The following LAPTM4B variants were observed in gnomAD, a reference collection of about 807,000 sequenced individuals.
LAPTM4B encodes the protein lysosomal-associated transmembrane protein 4B.
A neutral mutation model predicts 28.5 loss-of-function variants in LAPTM4B; 26 were observed. That is an observed-to-expected ratio of 0.91 (90% CI 0.67 to 1.27). The LOEUF is 1.27. Ranked by LOEUF, LAPTM4B falls within the 50% of genes most tolerant of loss-of-function variation. The pLI, the probability that LAPTM4B is intolerant of heterozygous loss-of-function variation, is 0.00. For synonymous variants in LAPTM4B, 109 were observed against 106.4 expected (o/e 1.02, Z -0.15); for missense variants, 288 against 285.8 (o/e 1.01, Z -0.06).
chr8:97,836,083 C>T (rs545194020), intron 6 of LAPTM4B, among the ~76,000 whole-genome samples: 2 of 152,280 alleles, frequency 1.3e-5, no homozygotes, highest in South Asian at 4.1e-4. Flanking sequence ...CCCCCTCACC[C>T]CCTCATCAAC....
intron 6 of LAPTM4B, among the ~76,000 whole-genome samples, chr8:97,832,707 A>ATTTTTG (rs1243268463): frequency 1.6e-5 from 1 of 60,884 alleles, no homozygotes; most frequent in South Asian, 5.5e-4. Context: ...TTTTATTTTT[A>ATTTTTG]TTTTATTTTA....
intron 2 of LAPTM4B, among the ~76,000 whole-genome samples, chr8:97,809,720 T>C (rs978057433): frequency 9.9e-5 from 15 of 152,004 alleles, no homozygotes; most frequent in Non-Finnish European, 1.5e-5. Context: ...ATTACGAAAA[T>C]TAATATAGCA....
intron 1 of LAPTM4B, among the ~76,000 whole-genome samples, chr8:97,778,039 C>T (rs1388876931): frequency 2.0e-5 from 3 of 152,112 alleles, no homozygotes; most frequent in African/African-American, 7.2e-5. Flanking sequence ...GTAATCCAAC[C>T]AGACAGTGTA....
intron 4 of LAPTM4B, among the ~76,000 whole-genome samples, chr8:97,818,039 C>G (rs1816949256): frequency 6.6e-6 from 1 of 152,192 alleles, no homozygotes; most frequent in Non-Finnish European, 1.5e-5. Flanking sequence ...TCTCAAACAC[C>G]TGCACTCAAG....
At chr8:97,819,091 G>C in intron 4 of LAPTM4B, 49 bp from the exon 5 acceptor site, 2 of 1,124,438 alleles carry the variant, frequency 1.8e-6, no homozygotes, top group Non-Finnish European at 2.7e-6. Context: ...AAGGAATACT[G>C]TCTGGAATGA....
chr8:97,818,930 C>T (rs1816962815), intron 4 of LAPTM4B, among the ~76,000 whole-genome samples: 1 of 152,008 alleles, frequency 6.6e-6, no homozygotes, highest in East Asian at 1.9e-4. Context: ...TCAGAGATCC[C>T]TGGATATACA....
At chr8:97,791,649 AG>A (rs1816500778) in intron 1 of LAPTM4B, among the ~76,000 whole-genome samples, 1 of 152,318 alleles carries the variant, frequency 6.6e-6, no homozygotes, top group African/African-American at 2.4e-5. Context: ...GGTTTAGCAG[AG>A]TTGGCCAGGG....
At position 97,852,362 on chromosome 8, in the gene LAPTM4B, C is replaced by T. The variant is rs1817537992; in HGVS notation, c.*888C>T. ...ATGGAAAAGGGTTTTCTTTTCCCTG[C>T]AAGCTACATCCTACTGCTTTGAACT... On this transcript the variant is annotated 3_prime_UTR_variant, in exon 7 of 7. Transcript: ENST00000521545. 6.6e-6 allele frequency: 1 copy of T among 152,210 alleles called. No individual in the cohort carries two copies. The highest frequency in any genetic ancestry group is 2.1e-4 in the South Asian group (1 of 4,832). The allele number at this position is 152,210 out of a possible 1,614,324, so 9.4% of individuals were successfully genotyped here.
chr8:97,847,209 T>C (rs7017753), intron 6 of LAPTM4B, among the ~76,000 whole-genome samples: 78,690 of 152,040 alleles, frequency 0.52, 20,791 homozygotes, highest in Non-Finnish European at 0.57. Flanking sequence ...CCACTGTCAT[T>C]CAGCCATTCC....
At chr8:97,802,105 G>C (rs886646162) in intron 1 of LAPTM4B, among the ~76,000 whole-genome samples, 1 of 152,104 alleles carries the variant, frequency 6.6e-6, no homozygotes, top group Non-Finnish European at 1.5e-5. Context: ...ACTGGAAAGG[G>C]GATCCAGACC....
intron 2 of LAPTM4B, among the ~76,000 whole-genome samples, chr8:97,812,666 G>A (rs978617109): frequency 1.3e-5 from 2 of 152,166 alleles, no homozygotes; most frequent in Non-Finnish European, 2.9e-5. Flanking sequence ...TATTGGAGTT[G>A]GGAATGAGTC....
chr8:97,821,898 T>A (rs6468597), intron 5 of LAPTM4B, among the ~76,000 whole-genome samples: 1 of 151,800 alleles, frequency 6.6e-6, no homozygotes, highest in Non-Finnish European at 1.5e-5. Context: ...TGCCTCAGCT[T>A]TTCTGCCAAC....
Position 97,851,511 on chromosome 8 carries a change from CT to C in LAPTM4B, c.*40del, listed in dbSNP as rs1367455426. ...GGCGGAGCTGAGGGCAGCAGCTTGA[CT>C]TTGCAGACATCTGAGCAATAGTTCT... On this transcript the variant is annotated 3_prime_UTR_variant, in exon 7 of 7. Coordinates refer to ENST00000521545, the MANE Select transcript of LAPTM4B (RefSeq NM_018407.6). 2.0e-6 allele frequency: 3 copies of C among 1,469,458 alleles called. No individual in the cohort carries two copies. The highest frequency in any genetic ancestry group is 3.3e-5 in the Admixed American group (2 of 59,750). The allele number at this position is 1,469,458 out of a possible 1,614,324, so 91.0% of individuals were successfully genotyped here.
At chr8:97,788,234 G>T in intron 1 of LAPTM4B, 1 of 319,734 alleles carries the variant, frequency 3.1e-6, no homozygotes, top group Non-Finnish European at 6.2e-6. Flanking sequence ...TTCTTCTCCA[G>T]TGTCTCCTTT....
At chr8:97,782,942 A>G (rs1391586863) in intron 1 of LAPTM4B, among the ~76,000 whole-genome samples, 1 of 145,890 alleles carries the variant, frequency 6.9e-6, no homozygotes, top group Admixed American at 6.9e-5. Flanking sequence ...TTATTTATTT[A>G]TTTATTTTTT....
chr8:97,785,324 G>A (rs535733437), intron 1 of LAPTM4B, among the ~76,000 whole-genome samples: 77 of 152,182 alleles, frequency 5.1e-4, no homozygotes, highest in Middle Eastern at 3.4e-3. Flanking sequence ...TGATCCGCCC[G>A]CCTCCCAAAG....
intron 1 of LAPTM4B, among the ~76,000 whole-genome samples, chr8:97,791,135 G>T (rs1816490559): frequency 6.6e-6 from 1 of 152,026 alleles, no homozygotes; most frequent in East Asian, 1.9e-4. Context: ...CGAGCTTCTG[G>T]GTTCAAGCGA....
intron 6 of LAPTM4B, among the ~76,000 whole-genome samples, chr8:97,829,881 G>A (rs927101466): frequency 1.3e-5 from 2 of 152,090 alleles, no homozygotes; most frequent in African/African-American, 4.8e-5. Context: ...ATTTTTGGTA[G>A]AGATGGGGTT....
At chr8:97,828,221 A>C (rs993234649) in intron 6 of LAPTM4B, among the ~76,000 whole-genome samples, 1 of 152,070 alleles carries the variant, frequency 6.6e-6, no homozygotes, top group Non-Finnish European at 1.5e-5. Context: ...GTATGGAGGG[A>C]TGATGGGAGA....
Sources: gnomAD v4.1 joint callset for allele counts (sites outside exome capture counted in the v4.1 genomes callset) on GRCh38, gnomAD v4.1.1 for gene constraint, MANE v1.5 for transcripts, NCBI Gene and HGNC (gene_info 2026-07-23, HGNC 2026-07-21) for gene names.